Variants in USP7 observed in about 807,000 individuals in gnomAD.
The protein encoded by USP7 is ubiquitin specific peptidase 7, also known as ubiquitin C-terminal hydrolase 7.
A neutral mutation model predicts 162.9 loss-of-function variants in USP7; 9 were observed. That is an observed-to-expected ratio of 0.06 (90% CI 0.03 to 0.10). USP7 has a LOEUF of 0.10. USP7 is among the 10% of genes least tolerant of loss of function. The pLI is 1.00. For missense variants in USP7, 715 were observed against 1,373.7 expected, an observed-to-expected ratio of 0.52 and a Z score of 7.58; for synonymous variants, 562 against 475.9, an observed-to-expected ratio of 1.18 and a Z score of -2.35.
At position 8,894,536 on chromosome 16, in the gene USP7, G is replaced by GC. The variant is rs748239932; in HGVS notation, c.3202+13_3202+14insG. On this transcript the variant is annotated intron_variant, in intron 30 of 30. Coordinates refer to ENST00000344836, the MANE Select transcript of USP7 (RefSeq NM_003470.3). ...GAAACCCACACCAGCCCCCGGGGGG[G>GC]GGAGAACCCTTACCGGGCTGTGGCT... 25 of 1,610,504 alleles carry GC rather than the reference G, an allele frequency of 1.6e-5. 2 individuals are homozygous for GC. The highest frequency in any genetic ancestry group is 2.2e-5 in the East Asian group (1 of 44,842).
At position 8,900,578 on chromosome 16, in the gene USP7, T is replaced by C. The variant is rs1202896462; in HGVS notation, c.2261A>G (p.Asp754Gly). 6.2e-7 allele frequency: 1 copy of C among 1,612,670 alleles called. No homozygotes were observed. Among genetic ancestry groups the C allele is most frequent in the Non-Finnish European group, 8.5e-7 (1 of 1,179,786 alleles). The change falls in exon 21 of 31, where the codon GAT becomes GGT. Residue 754 changes from aspartate (D) to glycine (G), a missense_variant. By Grantham distance (94) the Asp-to-Gly change is moderately conservative. This residue lies in a region of USP7 where 222 missense variants were observed against 441.7 expected (regional missense o/e 0.50). Transcript: ENST00000344836. ...ATCCATTAGTTCATCAAGGGCTTTATCAAGAGACACGTCATAGTCCTGAAT... is the reference window on the plus strand; with the variant it reads ...ATCCATTAGTTCATCAAGGGCTTTACCAAGAGACACGTCATAGTCCTGAAT... Reference protein sequence around the residue: ...ERIQDYDVSLDKALDELMDGD... With the variant: ...ERIQDYDVSLGKALDELMDGD...
At chr16:8,897,211 C>G in intron 25 of USP7, 112 bp from the exon 26 acceptor site, 1 of 818,194 alleles carries the variant, frequency 1.2e-6, no homozygotes, top group Non-Finnish European at 2.0e-6. Flanking sequence ...CCCAGCTGGC[C>G]CCCATGTTCT....
chr16:8,911,280 C>G (rs984005842), intron 10 of USP7, among the ~76,000 whole-genome samples: 2 of 152,198 alleles, frequency 1.3e-5, no homozygotes, highest in Non-Finnish European at 2.9e-5. Flanking sequence ...GACATCTCCC[C>G]ACCCCCACCT....
At chr16:8,902,710 A>G (rs2141174634) in intron 16 of USP7, among the ~76,000 whole-genome samples, 1 of 152,182 alleles carries the variant, frequency 6.6e-6, no homozygotes, top group East Asian at 1.9e-4. Flanking sequence ...CAACATGGTG[A>G]ACTCTCGTCT....
chr16:8,914,971 A>T (rs770562003), intron 10 of USP7, among the ~76,000 whole-genome samples: 2 of 152,246 alleles, frequency 1.3e-5, no homozygotes, highest in Non-Finnish European at 2.9e-5. Context: ...ATTTAAACAG[A>T]CACCTAAAAC....
At chr16:8,953,624 C>A (rs1899665440) in intron 1 of USP7, among the ~76,000 whole-genome samples, 1 of 35,456 alleles carries the variant, frequency 2.8e-5, no homozygotes, top group Non-Finnish European at 5.9e-5. Context: ...GACACGTGCC[C>A]CGTGCGGCGC....
intron 15 of USP7, 114 bp from the exon 16 acceptor site, chr16:8,903,516 C>G (rs2061810789): frequency 7.7e-7 from 1 of 1,298,370 alleles, no homozygotes. Context: ...TCCAAAGAAA[C>G]TTCTTCAGAA....
intron 26 of USP7, among the ~76,000 whole-genome samples, chr16:8,896,047 G>A (rs376769160): frequency 3.3e-5 from 5 of 151,646 alleles, no homozygotes; most frequent in African/African-American, 9.7e-5. Context: ...ATGTTGGTTA[G>A]CCAGGATGGT....
intron 1 of USP7, among the ~76,000 whole-genome samples, chr16:8,950,817 G>C (rs1899513090): frequency 6.6e-6 from 1 of 152,240 alleles, no homozygotes; most frequent in Non-Finnish European, 1.5e-5. Context: ...GCACGACAGT[G>C]ATCTGAGCGG....
chr16:8,957,993 C>G lies in USP7; in HGVS notation c.79+5214G>C, dbSNP rs1899878597. On this transcript the variant is annotated intron_variant, in intron 1 of 30. Coordinates refer to ENST00000344836, the MANE Select transcript of USP7 (RefSeq NM_003470.3). Reference sequence around the variant, plus strand: ...ATACCGTTTTATGGCTTCAGCGTCTCTTTCTCAGAGCCACTTGCCAGCCAG... The same window carrying G: ...ATACCGTTTTATGGCTTCAGCGTCTGTTTCTCAGAGCCACTTGCCAGCCAG... Among the ~76,000 whole-genome samples, 4 of 152,070 alleles carry G rather than the reference C, an allele frequency of 2.6e-5. No homozygotes were observed. In the South Asian group the frequency reaches 8.3e-4, roughly 31 times the overall value.
chr16:8,935,907 C>A (rs1443812801), intron 1 of USP7: 1 of 152,172 alleles, frequency 6.6e-6, no homozygotes, highest in African/African-American at 2.4e-5. Context: ...ACCTCCCAAT[C>A]GCTATGGAAG....
chr16:8,943,624 G>A (rs1005824844), intron 1 of USP7, among the ~76,000 whole-genome samples: 1 of 152,128 alleles, frequency 6.6e-6, no homozygotes, highest in Admixed American at 6.6e-5. Context: ...ACGGTGAAAA[G>A]CAATGGAGAT....
In USP7 at chr16:8,892,724, T is replaced by C. The variant is rs1343359800; in HGVS notation, c.*1274A>G. 1.3e-5 allele frequency: 2 copies of C among 152,046 alleles called. No individual in the cohort carries two copies. The highest frequency in any genetic ancestry group is 2.9e-5 in the Non-Finnish European group (2 of 67,990). The allele number at this position is 152,046 out of a possible 1,614,324, so 9.4% of individuals were successfully genotyped here. On this transcript the variant is annotated 3_prime_UTR_variant, in exon 31 of 31. Transcript: ENST00000344836. Reference sequence around the variant, plus strand: ...AAATGCCAAGGTTTCCCAGGCCTGTTTCCAGGGAGAGTAGAAATCTTCCTC... The same window carrying C: ...AAATGCCAAGGTTTCCCAGGCCTGTCTCCAGGGAGAGTAGAAATCTTCCTC...
At chr16:8,928,167 C>T (rs1596388261) in intron 2 of USP7, among the ~76,000 whole-genome samples, 1 of 152,322 alleles carries the variant, frequency 6.6e-6, no homozygotes, top group Non-Finnish European at 1.5e-5. Context: ...CTCTTTGTCT[C>T]ATTAGCTATT....
chr16:8,895,759 A>T lies in USP7; in HGVS notation c.2820-18T>A, dbSNP rs1379761254. 6.4e-7 allele frequency: 1 copy of T among 1,552,482 alleles called. No individual in the cohort carries two copies. Among genetic ancestry groups the T allele is most frequent in the Non-Finnish European group, 8.8e-7 (1 of 1,136,704 alleles). On this transcript the variant is annotated intron_variant, in intron 26 of 30. Transcript: ENST00000344836. ...CTAGCAGCCTGAACAGAGAGGAAAAAAAAATAGGGCAAAATGAAGTATATA... is the reference window on the plus strand; with the variant it reads ...CTAGCAGCCTGAACAGAGAGGAAAATAAAATAGGGCAAAATGAAGTATATA...
In USP7 at chr16:8,923,316, A is replaced by G; in HGVS notation, c.282T>C (p.Asn94=). The part of the protein sequence containing the change: ...SVLSPPCFVR[N]LPWKIMVMPR... ...GCATCACCATAATCTTCCATGGCAG[A>G]TTTCGCACAAAACACGGAGGGCTAA... The change falls in exon 3 of 31, where the codon AAT becomes AAC. Residue 94 remains asparagine, a synonymous_variant. Coordinates refer to ENST00000344836, the MANE Select transcript of USP7 (RefSeq NM_003470.3). The G allele has an allele frequency of 6.5e-7, 1 of 1,549,998 alleles. No individual in the cohort carries two copies. The highest frequency in any genetic ancestry group is 8.7e-7 in the Non-Finnish European group (1 of 1,149,050).
intron 1 of USP7, among the ~76,000 whole-genome samples, chr16:8,943,648 G>A (rs1899147159): frequency 6.6e-6 from 1 of 152,206 alleles, no homozygotes; most frequent in South Asian, 2.1e-4. Context: ...CACCAGTACT[G>A]AAGGTCTAGC....
At chr16:8,939,008 C>T (rs1898909734) in intron 1 of USP7, among the ~76,000 whole-genome samples, 1 of 152,142 alleles carries the variant, frequency 6.6e-6, no homozygotes, top group Admixed American at 6.5e-5. Context: ...AGATCCCATA[C>T]CCTTTTCCTA....
intron 1 of USP7, among the ~76,000 whole-genome samples, chr16:8,939,874 C>A (rs916000297): frequency 6.6e-6 from 1 of 152,168 alleles, no homozygotes; most frequent in Non-Finnish European, 1.5e-5. Context: ...CCAAGGAGGG[C>A]AGATCACGAG....
Sources: gnomAD v4.1 joint callset for allele counts (sites outside exome capture counted in the v4.1 genomes callset) on GRCh38, gnomAD v4.1.1 for gene constraint, gnomAD v4.1.1 regional missense constraint, MANE v1.5 for transcripts, NCBI Gene and HGNC (gene_info 2026-07-23, HGNC 2026-07-21) for gene names.